Variants in PLAGL1 observed in about 807,000 individuals in gnomAD.
The protein encoded by PLAGL1 is zinc finger protein PLAGL1.
In PLAGL1, 1 loss-of-function variant was observed where a neutral mutation model predicts 4.6. The observed-to-expected ratio is 0.22, with a 90% confidence interval of 0.08 to 1.03. PLAGL1 has a LOEUF of 1.03. Ranked by LOEUF, PLAGL1 falls within the 50% of genes least tolerant of loss-of-function variation. PLAGL1 has a pLI of 0.58. For missense variants in PLAGL1, 464 were observed against 570.4 expected (o/e 0.81, Z 1.90); for synonymous variants, 240 against 237.8 (o/e 1.01, Z -0.08).
chr6:144,041,931 A>G (rs1157467832), intron 1 of PLAGL1, among the ~76,000 whole-genome samples: 1 of 152,174 alleles, frequency 6.6e-6, no homozygotes, highest in Non-Finnish European at 1.5e-5. Context: ...TCTGATGACC[A>G]AGTGATGATG....
At position 144,063,498 on chromosome 6, in the gene PLAGL1, G is replaced by A. The variant is rs967880681; in HGVS notation, c.-151+970C>T. On this transcript the variant is annotated intron_variant, in intron 1 of 3. Coordinates refer to the PLAGL1 transcript ENST00000437412. The surrounding 1 kb of genome is among the most constrained non-coding windows in gnomAD (Gnocchi z 5.7). Reference sequence around the variant, plus strand: ...AAAAGCTCTCCTGGTGCTTCTGGGAGGCGCCTCGGGTTAGGCAGCGACGCA... The same window carrying A: ...AAAAGCTCTCCTGGTGCTTCTGGGAAGCGCCTCGGGTTAGGCAGCGACGCA... 6.6e-6 allele frequency among the ~76,000 whole-genome samples: 1 copy of A among 152,188 alleles called. No individual in the cohort carries two copies. The highest frequency in any genetic ancestry group is 1.5e-5 in the Non-Finnish European group (1 of 68,040).
At position 143,989,245 on chromosome 6, in the gene PLAGL1, G is replaced by A. The variant is rs1789881026; in HGVS notation, c.-583-4071C>T. 1.3e-5 allele frequency among the ~76,000 whole-genome samples: 2 copies of A among 152,222 alleles called. No individual in the cohort carries two copies. The highest frequency in any genetic ancestry group is 4.8e-5 in the African/African-American group (2 of 41,462). On this transcript the variant is annotated intron_variant, in intron 1 of 7. Transcript: ENST00000674357. This position sits in a 1 kb window ranked among gnomAD's most constrained non-coding sequence, Gnocchi z 4.8. ...ACAGTAGAAATGCAGGGAGGACTCA[G>A]AGATGAGTTCTCATCCCTGGAGAGT...
chr6:143,982,468 G>A lies in PLAGL1; in HGVS notation c.-544+2667C>T, dbSNP rs1180855773. On this transcript the variant is annotated intron_variant, in intron 2 of 7. Coordinates refer to ENST00000674357, the MANE Select transcript of PLAGL1 (RefSeq NM_001317162.2). The surrounding 1 kb of genome is among the most constrained non-coding windows in gnomAD (Gnocchi z 5.3). ...TGATAAGCCTCCGTAAGCGAGATGGGAAGGACTGGAGACACTGGAGCAGAA... is the reference window on the plus strand; with the variant it reads ...TGATAAGCCTCCGTAAGCGAGATGGAAAGGACTGGAGACACTGGAGCAGAA... 6.6e-6 allele frequency among the ~76,000 whole-genome samples: 1 copy of A among 152,194 alleles called. No homozygotes were observed. The highest frequency in any genetic ancestry group is 1.5e-5 in the Non-Finnish European group (1 of 68,022).
Position 144,039,615 on chromosome 6 carries a change from C to T in PLAGL1, c.-151+24853G>A, listed in dbSNP as rs973738163. 6.6e-6 allele frequency among the ~76,000 whole-genome samples: 1 copy of T among 151,866 alleles called. No homozygotes were observed. Among genetic ancestry groups the T allele is most frequent in the African/African-American group, 2.4e-5 (1 of 41,332 alleles). ...ATAAAATCAAATAAAATATCACATG[C>T]CATTTTACACCCCAAAAATGAAAAG... On this transcript the variant is annotated intron_variant, in intron 1 of 3. Transcript: ENST00000437412. This position sits in a 1 kb window ranked among gnomAD's most constrained non-coding sequence, Gnocchi z 4.1.
intron 1 of PLAGL1, among the ~76,000 whole-genome samples, chr6:144,025,683 A>T (rs1028808600): frequency 4.6e-5 from 7 of 152,156 alleles, no homozygotes; most frequent in Non-Finnish European, 8.8e-5. Flanking sequence ...TGAAGTCAGG[A>T]GTTAGAGACC....
Position 144,063,774 on chromosome 6 carries a change from A to G in PLAGL1, c.-151+694T>C, listed in dbSNP as rs1020557142. The stretch of plus-strand genomic sequence containing the variant: ...AACCCAACACGGCTGTGCACCCGCC[A>G]AAGTGCCCACGCCCACCGTGGCGGG... On this transcript the variant is annotated intron_variant, in intron 1 of 3. Coordinates refer to the PLAGL1 transcript ENST00000437412. The surrounding 1 kb of genome is among the most constrained non-coding windows in gnomAD (Gnocchi z 5.7). Among the ~76,000 whole-genome samples, 2 of 152,160 alleles carry G rather than the reference A, an allele frequency of 1.3e-5. No individual in the cohort carries two copies. The highest frequency in any genetic ancestry group is 4.1e-4 in the South Asian group (2 of 4,826).
At chr6:144,037,758 G>T (rs1797361676) in intron 1 of PLAGL1, 2 of 151,810 alleles carry the variant, frequency 1.3e-5, no homozygotes, top group African/African-American at 4.8e-5. Context: ...TTACAAAATA[G>T]TCACTTTCAC....
At chr6:144,012,261 C>G (rs1795239315), upstream of PLAGL1, among the ~76,000 whole-genome samples, 1 of 152,112 alleles carries the variant, frequency 6.6e-6, no homozygotes, top group African/African-American at 2.4e-5. This position sits in a 1 kb window ranked among gnomAD's most constrained non-coding sequence, Gnocchi z 4.8. Flanking sequence ...GTCACCCAAG[C>G]TGGAGTACAG....
Position 144,004,073 on chromosome 6 carries a change from T to C in PLAGL1, c.-584+4017A>G, listed in dbSNP as rs1334081865. Among the ~76,000 whole-genome samples the C allele has an allele frequency of 2.0e-5, 3 of 152,234 alleles. No homozygotes were observed. The highest frequency in any genetic ancestry group is 6.5e-5 in the Admixed American group (1 of 15,286). ...TGTAATACCGTAGAAGAGGTGTCAATAAATTTTTTTCTGTAAATGGCCACG... is the reference window on the plus strand; with the variant it reads ...TGTAATACCGTAGAAGAGGTGTCAACAAATTTTTTTCTGTAAATGGCCACG... On this transcript the variant is annotated intron_variant, in intron 1 of 7. Transcript: ENST00000674357. This position sits in a 1 kb window ranked among gnomAD's most constrained non-coding sequence, Gnocchi z 4.2.
Position 144,061,008 on chromosome 6 carries a change from T to C in PLAGL1, c.-151+3460A>G, listed in dbSNP as rs1013469451. ...TTCCTTATAGCTTTTCCACCATTTCTCTCCCCTGCCCCCAAAAGGAGACCT... is the reference window on the plus strand; with the variant it reads ...TTCCTTATAGCTTTTCCACCATTTCCCTCCCCTGCCCCCAAAAGGAGACCT... On this transcript the variant is annotated intron_variant, in intron 1 of 3. Coordinates refer to the PLAGL1 transcript ENST00000437412. This position sits in a 1 kb window ranked among gnomAD's most constrained non-coding sequence, Gnocchi z 4.4. Among the ~76,000 whole-genome samples, 1 of 152,160 alleles carries C rather than the reference T, an allele frequency of 6.6e-6. No individual in the cohort carries two copies. Among genetic ancestry groups the C allele is most frequent in the African/African-American group, 2.4e-5 (1 of 41,438 alleles).
intron 1 of PLAGL1, among the ~76,000 whole-genome samples, chr6:143,998,856 A>T (rs1247191726): frequency 6.6e-6 from 1 of 152,210 alleles, no homozygotes; most frequent in Non-Finnish European, 1.5e-5. Context: ...TTAGGGGCTG[A>T]TGCGTGGTTA....
chr6:143,987,501 G>A (rs1789486832), intron 1 of PLAGL1, among the ~76,000 whole-genome samples: 1 of 117,580 alleles, frequency 8.5e-6, no homozygotes, highest in East Asian at 2.7e-4. Flanking sequence ...GGCTAGTCTT[G>A]AATTCCTGGG....
At chr6:143,977,150 C>T (rs747939258) in intron 2 of PLAGL1, among the ~76,000 whole-genome samples, 2 of 143,646 alleles carry the variant, frequency 1.4e-5, no homozygotes, top group East Asian at 2.2e-4. Flanking sequence ...ACATTTGTTA[C>T]AACTGATAAA....
intron 1 of PLAGL1, among the ~76,000 whole-genome samples, chr6:144,041,665 T>C (rs147201844): frequency 1.3e-3 from 192 of 152,324 alleles, no homozygotes; most frequent in African/African-American, 4.0e-3. Context: ...TGTGTCTTCA[T>C]AGTAGCATGA....
At chr6:144,002,015 G>A (rs1793010538) in intron 1 of PLAGL1, among the ~76,000 whole-genome samples, 1 of 152,038 alleles carries the variant, frequency 6.6e-6, no homozygotes, top group African/African-American at 2.4e-5. Context: ...ACATTAGAGG[G>A]AAAACTGTGG....
intron 1 of PLAGL1, among the ~76,000 whole-genome samples, chr6:143,993,864 C>T (rs1182788598): frequency 6.6e-6 from 1 of 152,040 alleles, no homozygotes; most frequent in Non-Finnish European, 1.5e-5. Context: ...TGGAGACAAA[C>T]AGATAAGAAA....
At chr6:144,003,077 G>C (rs111510657) in intron 1 of PLAGL1, among the ~76,000 whole-genome samples, 2,061 of 152,232 alleles carry the variant, frequency 0.014, 26 homozygotes, top group Middle Eastern at 0.02. Flanking sequence ...ATTAGTCCAA[G>C]TGGAAAGAAC....
Position 143,964,092 on chromosome 6 carries a change from C to A in PLAGL1, c.-399+695G>T, listed in dbSNP as rs74675543. ...TTCCATCCCCCCATGGCCAACCCCC[C>A]ATCCCAGGGCCTGATAAGGAGGTAT... On this transcript the variant is annotated intron_variant, in intron 5 of 7. Coordinates refer to ENST00000674357, the MANE Select transcript of PLAGL1 (RefSeq NM_001317162.2). The surrounding 1 kb of genome is among the most constrained non-coding windows in gnomAD (Gnocchi z 4.3). 3.9e-5 allele frequency among the ~76,000 whole-genome samples: 6 copies of A among 152,140 alleles called. No homozygotes were observed. The highest frequency in any genetic ancestry group is 2.6e-4 in the Admixed American group (4 of 15,302).
Position 143,994,675 on chromosome 6 carries a change from G to A in PLAGL1, c.-583-9501C>T, listed in dbSNP as rs1365532231. On this transcript the variant is annotated intron_variant, in intron 1 of 7. Transcript: ENST00000674357. The surrounding 1 kb of genome is among the most constrained non-coding windows in gnomAD (Gnocchi z 4.3). ...GTCCCAACATTTTATTCCTGCTTGC[G>A]TTTCTGGAAAATCCACTGTTACAGA... Among the ~76,000 whole-genome samples the A allele has an allele frequency of 3.3e-5, 5 of 152,286 alleles. No individual in the cohort carries two copies. The highest frequency in any genetic ancestry group is 4.1e-4 in the South Asian group (2 of 4,830).
Sources: gnomAD v4.1 joint callset for allele counts (sites outside exome capture counted in the v4.1 genomes callset) on GRCh38, gnomAD v4.1.1 for gene constraint, Gnocchi (gnomAD v3.1) non-coding constraint, MANE v1.5 for transcripts, NCBI Gene and HGNC (gene_info 2026-07-23, HGNC 2026-07-21) for gene names.